The following DNTT variants were observed in gnomAD, a reference collection of about 807,000 sequenced individuals.
The protein encoded by DNTT is DNA nucleotidylexotransferase.
Under a neutral mutation model 60.9 loss-of-function variants are expected in DNTT, and 47 were observed. That is an observed-to-expected ratio of 0.77 (90% CI 0.61 to 0.98). The LOEUF is 0.98. Among genes scored for constraint, DNTT ranks in the 50% least tolerant of loss-of-function variants. DNTT has a pLI of 0.00. For synonymous variants in DNTT, 224 were observed against 221.2 expected, an observed-to-expected ratio of 1.01 and a Z score of -0.11; for missense variants, 665 against 627.5, an observed-to-expected ratio of 1.06 and a Z score of -0.64.
In DNTT at chr10:96,332,463, T is replaced by A. The variant is rs2133995250; in HGVS notation, c.1226T>A (p.Leu409Ter). 6.2e-7 allele frequency: 1 copy of A among 1,614,180 alleles called. No individual in the cohort carries two copies. The highest frequency in any genetic ancestry group is 8.5e-7 in the Non-Finnish European group (1 of 1,180,010). ...HFQKCFLIFK[L>*]PRQRVDSDQS... is the part of the protein sequence containing the mutation. The stretch of plus-strand genomic sequence containing the variant: ...CAAAAGTGCTTTCTGATTTTCAAAT[T>A]GCCTCGTCAAAGAGTGGACAGTGAC... The change falls in exon 9 of 11, where the codon TTG becomes TAG. Residue 409 changes from leucine (L) to a stop codon, truncating the protein, a stop_gained. Coordinates refer to ENST00000371174, the MANE Select transcript of DNTT (RefSeq NM_004088.4). LOFTEE classifies it high-confidence loss of function.
chr10:96,333,008 A>C (rs1845026259), intron 9 of DNTT, among the ~76,000 whole-genome samples: 1 of 152,196 alleles, frequency 6.6e-6, no homozygotes, highest in Non-Finnish European at 1.5e-5. Flanking sequence ...TGAAATAGGA[A>C]ACAATTAATA....
chr10:96,325,132 G>GA (rs1439177288), intron 6 of DNTT, among the ~76,000 whole-genome samples: 1 of 151,986 alleles, frequency 6.6e-6, no homozygotes, highest in Non-Finnish European at 1.5e-5. Context: ...AATACAGTGT[G>GA]AAAAAAACTG....
At chr10:96,305,461 T>C (rs1248546870) in intron 1 of DNTT, among the ~76,000 whole-genome samples, 5 of 152,130 alleles carry the variant, frequency 3.3e-5, no homozygotes, top group African/African-American at 9.7e-5. Context: ...TGATCTCAAA[T>C]AGATGAAGAG....
chr10:96,331,421 C>CTT (rs765771259), intron 8 of DNTT, among the ~76,000 whole-genome samples: 1 of 152,224 alleles, frequency 6.6e-6, no homozygotes, highest in Admixed American at 6.5e-5. Flanking sequence ...CAAGCATCTG[C>CTT]TTCTGGTGCG....
intron 1 of DNTT, 96 bp from the exon 2 acceptor site, chr10:96,318,256 C>A (rs1452056543): frequency 2.8e-6 from 4 of 1,420,800 alleles, no homozygotes; most frequent in Non-Finnish European, 3.8e-6. Context: ...ATGTGTCTTT[C>A]TCCATCAGAT....
chr10:96,325,987 TAA>T (rs1369913737), intron 6 of DNTT, among the ~76,000 whole-genome samples: 1 of 152,234 alleles, frequency 6.6e-6, no homozygotes, highest in Non-Finnish European at 1.5e-5. Context: ...TACTGTGTGA[TAA>T]GTTTCCTGTA....
At position 96,324,839 on chromosome 10, in the gene DNTT, G is replaced by A. The variant is rs1447421603; in HGVS notation, c.874+450G>A. ...TGGGTGAAGAGTCAAAGACAGAAGG[G>A]TTGGCTGCTAAGAATACTTGAACAG... On this transcript the variant is annotated intron_variant, in intron 6 of 10. Coordinates refer to ENST00000371174, the MANE Select transcript of DNTT (RefSeq NM_004088.4). 2.0e-5 allele frequency among the ~76,000 whole-genome samples: 3 copies of A among 152,196 alleles called. No individual in the cohort carries two copies. In the East Asian group the frequency reaches 5.8e-4, roughly 29 times the overall value.
chr10:96,309,846 GCTGGCCCGTGAACC>G (rs1189502835), intron 1 of DNTT, among the ~76,000 whole-genome samples: 1 of 152,198 alleles, frequency 6.6e-6, no homozygotes, highest in African/African-American at 2.4e-5. Context: ...GCAACAGGGA[GCTGGCCCGTGAACC>G]CTCTCTTAAA....
At chr10:96,337,577 C>T (rs934710955) in intron 10 of DNTT, among the ~76,000 whole-genome samples, 1 of 152,176 alleles carries the variant, frequency 6.6e-6, no homozygotes, top group African/African-American at 2.4e-5. Context: ...TGCCTAGCAC[C>T]GTGCTATGTA....
chr10:96,309,187 T>C (rs1369269536), intron 1 of DNTT, among the ~76,000 whole-genome samples: 1 of 152,216 alleles, frequency 6.6e-6, no homozygotes, highest in Non-Finnish European at 1.5e-5. Flanking sequence ...ACTGTCATCC[T>C]TCCTAGACTT....
chr10:96,309,940 T>A (rs1222963094), intron 1 of DNTT, among the ~76,000 whole-genome samples: 2 of 152,200 alleles, frequency 1.3e-5, no homozygotes, highest in Non-Finnish European at 2.9e-5. Context: ...CTTCTAACCA[T>A]CCAGAACTGT....
chr10:96,320,851 A>G (rs1844861090), intron 4 of DNTT, 63 bp downstream of exon 4: 1 of 1,585,736 alleles, frequency 6.3e-7, no homozygotes, highest in Non-Finnish European at 8.6e-7. Flanking sequence ...GGAGAGAGGG[A>G]TGTAGCTAAC....
chr10:96,328,923 A>G (rs1294109433), intron 8 of DNTT, 93 bp downstream of exon 8: 9 of 1,218,586 alleles, frequency 7.4e-6, no homozygotes, highest in Middle Eastern at 2.1e-4. Context: ...TGTAATGACC[A>G]TCTAATCAAT....
intron 1 of DNTT, among the ~76,000 whole-genome samples, chr10:96,310,928 G>C (rs1030180220): frequency 1.3e-5 from 2 of 152,148 alleles, no homozygotes; most frequent in African/African-American, 4.8e-5. Context: ...ATGAGCATGA[G>C]ATATAAGCTT....
rs982138327 is a variant in DNTT, at chr10:96,318,480, T to C, written c.332T>C (p.Ile111Thr). The C allele has an allele frequency of 1.9e-6, 3 of 1,613,856 alleles. No homozygotes were observed. The highest frequency in any genetic ancestry group is 4.5e-5 in the East Asian group (2 of 44,870). Reference protein sequence around the residue: ...LLDVSWLIECIRAGKPVEMTG... With the variant: ...LLDVSWLIECTRAGKPVEMTG... Reference sequence around the variant, plus strand: ...GATGTCTCCTGGCTGATCGAATGCATAAGAGCAGGGAAACCGGTGGAAATG... The same window carrying C: ...GATGTCTCCTGGCTGATCGAATGCACAAGAGCAGGGAAACCGGTGGAAATG... Residue 111 changes from isoleucine to threonine, a missense_variant, in exon 2 of 11, where the codon ATA becomes ACA. Coordinates refer to ENST00000371174, the MANE Select transcript of DNTT (RefSeq NM_004088.4).
intron 9 of DNTT, 63 bp downstream of exon 9, chr10:96,332,659 C>T: frequency 6.3e-7 from 1 of 1,582,480 alleles, no homozygotes; most frequent in South Asian, 1.2e-5. Flanking sequence ...CCGAGTCTAC[C>T]TGGGCCCAGG....
chr10:96,324,219 T>C (rs753936277), intron 5 of DNTT, 47 bp from the exon 6 acceptor site: 36 of 1,584,568 alleles, frequency 2.3e-5, no homozygotes, highest in Non-Finnish European at 3.1e-5. Context: ...TCGGATGTTA[T>C]AATGATTATC....
chr10:96,335,065 T>TA (rs1845050983), intron 9 of DNTT, among the ~76,000 whole-genome samples: 1 of 152,222 alleles, frequency 6.6e-6, no homozygotes, highest in Non-Finnish European at 1.5e-5. Context: ...TGAGCTTTCC[T>TA]AAAATAGCAA....
chr10:96,329,928 G>T (rs1029253306), intron 8 of DNTT, among the ~76,000 whole-genome samples: 6 of 152,210 alleles, frequency 3.9e-5, no homozygotes, highest in Non-Finnish European at 8.8e-5. Context: ...TGGCCGCTCT[G>T]TACCCTGGGG....
Sources: allele counts gnomAD v4.1 joint callset (sites outside exome capture counted in the v4.1 genomes callset), GRCh38; gene constraint gnomAD v4.1.1; transcripts MANE v1.5; gene names NCBI Gene and HGNC (gene_info 2026-07-23, HGNC 2026-07-21).